CTNNA3: variants seen among roughly 807,000 people sequenced by gnomAD.
CTNNA3 encodes catenin alpha 3, also known as catenin alpha-3.
Under a neutral mutation model 95.7 loss-of-function variants are expected in CTNNA3, and 76 were observed. The ratio of observed to expected loss-of-function variants is 0.79; its 90% CI spans 0.66 to 0.96. CTNNA3 has a LOEUF of 0.96. CTNNA3 is among the 40% of genes least tolerant of loss of function. The probability of loss-of-function intolerance (pLI) is 0.00; values close to 1 mark genes in which losing one functional copy is unlikely to be tolerated. For missense variants in CTNNA3, 1,191 were observed against 1,089.8 expected (o/e 1.09, Z -1.31); for synonymous variants, 431 against 374.4 (o/e 1.15, Z -1.74).
rs1283929822 is a variant in CTNNA3 at position 65,919,214 on chromosome 10, T to G, written c.*1116A>C. On this transcript the variant is annotated 3_prime_UTR_variant, in exon 18 of 18. Transcript: ENST00000433211. ...GGTACACTAGACTCTAAGACTATTA[T>G]GAAGTCCATTATGAACTCAACTAGG... The G allele has an allele frequency of 6.6e-6, 1 of 152,106 alleles. No homozygotes were observed. Among genetic ancestry groups the G allele is most frequent in the Non-Finnish European group, 1.5e-5 (1 of 68,016 alleles). 9.4% of individuals were successfully genotyped at this position (152,106 alleles called of 1,614,324 possible).
chr10:66,499,369 G>A lies in CTNNA3; in HGVS notation c.1531+21248C>T, dbSNP rs968134419. Among the ~76,000 whole-genome samples, 14 of 152,156 alleles carry A rather than the reference G, an allele frequency of 9.2e-5. No homozygotes were observed. In the South Asian group the frequency reaches 2.9e-3, roughly 32 times the overall value. ...GAATAAGTAACAAATAAAAAACTAG[G>A]CTTAACAGTCAGGTAAATATTTTTC... On this transcript the variant is annotated intron_variant, in intron 11 of 17. Transcript: ENST00000433211.
intron 7 of CTNNA3, among the ~76,000 whole-genome samples, chr10:66,968,251 C>A (rs949480064): frequency 7.9e-5 from 12 of 151,660 alleles, no homozygotes; most frequent in Non-Finnish European, 1.6e-4. Context: ...TTTTTAAAAA[C>A]AGTTTCCAAA....
At chr10:66,871,075 T>C (rs1025672726) in intron 7 of CTNNA3, among the ~76,000 whole-genome samples, 3 of 152,212 alleles carry the variant, frequency 2.0e-5, no homozygotes, top group African/African-American at 7.2e-5. Context: ...GCTGGTTTTG[T>C]TCATGTGTTT....
At chr10:67,508,831 T>C (rs191146494) in intron 5 of CTNNA3, among the ~76,000 whole-genome samples, 4 of 151,888 alleles carry the variant, frequency 2.6e-5, no homozygotes, top group Admixed American at 6.6e-5. Flanking sequence ...AGAAAAGAAA[T>C]GACCCACAAA....
chr10:66,712,255 T>C (rs1848319592), intron 9 of CTNNA3, among the ~76,000 whole-genome samples: 1 of 152,142 alleles, frequency 6.6e-6, no homozygotes, highest in African/African-American at 2.4e-5. Context: ...ACAGGGAATA[T>C]CCAAAAATAT....
chr10:67,503,086 G>A (rs144870955), intron 5 of CTNNA3, among the ~76,000 whole-genome samples: 281 of 152,348 alleles, frequency 1.8e-3, no homozygotes, highest in African/African-American at 6.4e-3. Flanking sequence ...GAAACCCACG[G>A]CCTTGGTAGC....
At chr10:66,443,230 G>C (rs1564967607) in intron 11 of CTNNA3, among the ~76,000 whole-genome samples, 1 of 152,154 alleles carries the variant, frequency 6.6e-6, no homozygotes. Context: ...ACCTCTGGGG[G>C]CAGGGCATAG....
intron 11 of CTNNA3, among the ~76,000 whole-genome samples, chr10:66,467,541 C>T (rs1838968515): frequency 6.6e-6 from 1 of 152,020 alleles, no homozygotes; most frequent in South Asian, 2.1e-4. Flanking sequence ...CGGGCAAGTG[C>T]TACAGTTCTC....
chr10:66,393,056 A>C (rs1477073488), intron 11 of CTNNA3, among the ~76,000 whole-genome samples: 2 of 152,148 alleles, frequency 1.3e-5, no homozygotes, highest in Non-Finnish European at 2.9e-5. Flanking sequence ...ATGTACAAAA[A>C]GCGATGAAAA....
chr10:67,344,275 C>T (rs1842332296), intron 5 of CTNNA3, among the ~76,000 whole-genome samples: 1 of 151,996 alleles, frequency 6.6e-6, no homozygotes, highest in African/African-American at 2.4e-5. Context: ...CAATATTCAT[C>T]AGAGATATTG....
intron 5 of CTNNA3, among the ~76,000 whole-genome samples, chr10:67,410,721 A>G (rs757321720): frequency 2.6e-5 from 4 of 152,074 alleles, no homozygotes; most frequent in Middle Eastern, 6.8e-3. Context: ...CTAGGTATAT[A>G]CCCAAAGTAA....
chr10:67,172,311 C>T (rs1210983739), intron 7 of CTNNA3, among the ~76,000 whole-genome samples: 1 of 152,168 alleles, frequency 6.6e-6, no homozygotes, highest in Non-Finnish European at 1.5e-5. Flanking sequence ...TCCTTGACAA[C>T]TAAGACTGCA....
At chr10:66,067,612 G>T (rs1227034704) in intron 15 of CTNNA3, among the ~76,000 whole-genome samples, 1 of 152,018 alleles carries the variant, frequency 6.6e-6, no homozygotes, top group Non-Finnish European at 1.5e-5. Flanking sequence ...AGAGGCCAAG[G>T]GTTTCCTTTA....
intron 13 of CTNNA3, among the ~76,000 whole-genome samples, chr10:66,124,837 T>A (rs2082739774): frequency 6.6e-6 from 1 of 152,158 alleles, no homozygotes. Flanking sequence ...ACCCACCCTC[T>A]TAATTCCATC....
At chr10:67,415,166 G>A (rs1845501215) in intron 5 of CTNNA3, among the ~76,000 whole-genome samples, 1 of 152,028 alleles carries the variant, frequency 6.6e-6, no homozygotes, top group African/African-American at 2.4e-5. Flanking sequence ...GATCAACCAG[G>A]CAAGAGAAAG....
Position 66,111,726 on chromosome 10 carries a change from G to T in CTNNA3, c.1885-8477C>A, listed in dbSNP as rs147668158. ...CCTGGGATGTGTCAGGCAGAAGAGA[G>T]GAACGAGTGTAAAGCACCTGAGGAA... On this transcript the variant is annotated intron_variant, in intron 13 of 17. Transcript: ENST00000433211. Among the ~76,000 whole-genome samples the T allele has an allele frequency of 6.6e-4, 101 of 152,260 alleles. 1 individual carries two copies. The highest frequency in any genetic ancestry group is 3.2e-3 in the Admixed American group (49 of 15,280).
At position 66,917,996 on chromosome 10, in the gene CTNNA3, T is replaced by C. The variant is rs75076858; in HGVS notation, c.1048-142472A>G. Among the ~76,000 whole-genome samples the C allele has an allele frequency of 6.0e-3, 911 of 152,306 alleles. 7 individuals carry two copies. Among genetic ancestry groups the C allele is most frequent in the African/African-American group, 0.021 (854 of 41,562 alleles). On this transcript the variant is annotated intron_variant, in intron 7 of 17. Transcript: ENST00000433211. ...AAAATACAGGAAATTTAGGAATATA[T>C]ATAAAACTAGACGTTTTACAATGTG... is the stretch of plus-strand genomic sequence containing the variant.
intron 7 of CTNNA3, among the ~76,000 whole-genome samples, chr10:66,916,685 C>T (rs1325387357): frequency 6.6e-6 from 1 of 152,090 alleles, no homozygotes. Context: ...TCACCACAGG[C>T]ACCTGGAGAC....
At chr10:66,443,360 T>A (rs1301517371) in intron 11 of CTNNA3, among the ~76,000 whole-genome samples, 1 of 152,146 alleles carries the variant, frequency 6.6e-6, no homozygotes, top group Non-Finnish European at 1.5e-5. Context: ...GACTGCCTCC[T>A]TAAGTGGGTG....
Sources: gnomAD v4.1 joint callset for allele counts (sites outside exome capture counted in the v4.1 genomes callset) on GRCh38, gnomAD v4.1.1 for gene constraint, MANE v1.5 for transcripts, NCBI Gene and HGNC (gene_info 2026-07-23, HGNC 2026-07-21) for gene names.